PTPRQ: variants seen among roughly 807,000 people sequenced by gnomAD.
PTPRQ encodes the protein protein tyrosine phosphatase receptor type Q, also known as phosphatidylinositol phosphatase PTPRQ.
A neutral mutation model predicts 246.0 loss-of-function variants in PTPRQ; 199 were observed. The observed-to-expected ratio is 0.81, with a 90% confidence interval of 0.72 to 0.91. The LOEUF (loss-of-function observed/expected upper bound fraction) is 0.91. PTPRQ is among the 40% of genes least tolerant of loss of function. PTPRQ has a pLI of 0.00. For missense variants in PTPRQ, 2,624 were observed against 2,528.4 expected, an observed-to-expected ratio of 1.04 and a Z score of -0.81; for synonymous variants, 869 against 853.2, an observed-to-expected ratio of 1.02 and a Z score of -0.32.
At chr12:80,472,918 A>G (rs1893686514) in intron 8 of PTPRQ, among the ~76,000 whole-genome samples, 2 of 152,292 alleles carry the variant, frequency 1.3e-5, no homozygotes, top group South Asian at 4.1e-4. Flanking sequence ...ATGGACAAAA[A>G]TAACAGTAAA....
rs555832211 is a variant in PTPRQ, at chr12:80,478,357, A to G, written c.1187-6076A>G. ...AGGAAAACTAACAAACAGAAAGGAC[A>G]TCCACACCAAAAACCCATCTGTACA... On this transcript the variant is annotated intron_variant, in intron 8 of 44. Coordinates refer to ENST00000644991, the MANE Select transcript of PTPRQ (RefSeq NM_001145026.2). Among the ~76,000 whole-genome samples the G allele has an allele frequency of 8.5e-5, 13 of 152,136 alleles. 1 individual carries two copies. The highest frequency in any genetic ancestry group is 3.1e-4 in the African/African-American group (13 of 41,458).
chr12:80,623,111 C>T (rs543068056), intron 33 of PTPRQ, among the ~76,000 whole-genome samples: 22 of 152,144 alleles, frequency 1.4e-4, no homozygotes, highest in African/African-American at 4.6e-4. Flanking sequence ...CAGATCCTGG[C>T]GAGCTGTTGC....
intron 6 of PTPRQ, among the ~76,000 whole-genome samples, chr12:80,466,015 G>C (rs1345517219): frequency 1.3e-5 from 2 of 152,150 alleles, no homozygotes; most frequent in African/African-American, 2.4e-5. Context: ...GGGCAATTAG[G>C]CAGGAGAAGG....
rs1592638877 is a variant in PTPRQ at position 80,546,743 on chromosome 12, C to T, written c.4015+46C>T. On this transcript the variant is annotated intron_variant, in intron 24 of 44. Coordinates refer to ENST00000644991, the MANE Select transcript of PTPRQ (RefSeq NM_001145026.2). The stretch of plus-strand genomic sequence containing the variant: ...CTAAAATGTTTCTTTTTATATTTAA[C>T]ACCTTTCTTTTCCTTTTCTTAGTTT... 2.0e-6 allele frequency: 3 copies of T among 1,529,848 alleles called. No homozygotes were observed. In the East Asian group the frequency reaches 7.4e-5, roughly 38 times the overall value. 94.8% of individuals were successfully genotyped at this position (1,529,848 alleles called of 1,614,324 possible).
At chr12:80,576,401 A>G (rs1339002087) in intron 25 of PTPRQ, among the ~76,000 whole-genome samples, 1 of 152,098 alleles carries the variant, frequency 6.6e-6, no homozygotes. Context: ...CCTGCCTCCC[A>G]AAGTGTTGGG....
chr12:80,460,264 C>T (rs1332423329), intron 5 of PTPRQ, among the ~76,000 whole-genome samples: 1 of 152,046 alleles, frequency 6.6e-6, no homozygotes, highest in Non-Finnish European at 1.5e-5. Flanking sequence ...CTTTTTAGTA[C>T]TTATGAGAAA....
chr12:80,540,790 T>C (rs750290533), intron 20 of PTPRQ, among the ~76,000 whole-genome samples: 1 of 152,090 alleles, frequency 6.6e-6, no homozygotes, highest in Non-Finnish European at 1.5e-5. Flanking sequence ...AAATGTTATA[T>C]TGTAATATAT....
At chr12:80,455,114 A>C (rs1892931545) in intron 3 of PTPRQ, among the ~76,000 whole-genome samples, 1 of 151,712 alleles carries the variant, frequency 6.6e-6, no homozygotes, top group African/African-American at 2.4e-5. Flanking sequence ...CAGAGGTTGC[A>C]GTGAGCTGAG....
chr12:80,612,286 C>T (rs1898581077), intron 28 of PTPRQ, among the ~76,000 whole-genome samples: 1 of 149,992 alleles, frequency 6.7e-6, no homozygotes, highest in Non-Finnish European at 1.5e-5. Flanking sequence ...AATATTTATA[C>T]TATATAAAGA....
chr12:80,639,588 A>G (rs1211064601), intron 35 of PTPRQ, among the ~76,000 whole-genome samples: 3 of 152,238 alleles, frequency 2.0e-5, no homozygotes, highest in African/African-American at 7.2e-5. Context: ...GTCTTCTTCA[A>G]TAATTTTCTT....
At chr12:80,643,642 GA>G (rs1323302304) in intron 35 of PTPRQ, among the ~76,000 whole-genome samples, 1 of 152,042 alleles carries the variant, frequency 6.6e-6, no homozygotes, top group Admixed American at 6.6e-5. Context: ...AGAAGGATGT[GA>G]AAGAACAAAA....
intron 19 of PTPRQ, among the ~76,000 whole-genome samples, chr12:80,535,641 A>T (rs1158943039): frequency 6.6e-6 from 1 of 152,196 alleles, no homozygotes; most frequent in East Asian, 1.9e-4. Context: ...CTAGGATGTG[A>T]ATGATGATGG....
chr12:80,628,469 C>T (rs1270044545), intron 33 of PTPRQ, among the ~76,000 whole-genome samples: 2 of 152,030 alleles, frequency 1.3e-5, no homozygotes, highest in East Asian at 1.9e-4. Context: ...ATACTTTGTG[C>T]AGTAAAATTA....
chr12:80,535,144 G>A (rs1309919662), intron 19 of PTPRQ, 107 bp downstream of exon 19: 7 of 1,105,398 alleles, frequency 6.3e-6, no homozygotes, highest in African/African-American at 1.6e-5. Flanking sequence ...TGATAATTAG[G>A]CACAGATGTA....
intron 26 of PTPRQ, 28 bp from the exon 27 acceptor site, chr12:80,605,031 C>G: frequency 6.6e-7 from 1 of 1,525,666 alleles, no homozygotes; most frequent in Non-Finnish European, 8.8e-7. Flanking sequence ...TCTAATGTAG[C>G]TAGATAATTA....
In PTPRQ at chr12:80,520,473, T is replaced by G. The variant is rs183393114; in HGVS notation, c.2678+10030T>G. 2.3e-3 allele frequency among the ~76,000 whole-genome samples: 343 copies of G among 152,026 alleles called. 2 individuals are homozygous for G. The highest frequency in any genetic ancestry group is 1.4e-3 in the Non-Finnish European group (93 of 67,966). Reference sequence around the variant, plus strand: ...GTGCTGTACCCATTAACTCACCATTTAACATTAGGTGTATCTCCTAATGCT... The same window carrying G: ...GTGCTGTACCCATTAACTCACCATTGAACATTAGGTGTATCTCCTAATGCT... On this transcript the variant is annotated intron_variant, in intron 17 of 44. Transcript: ENST00000644991.
At chr12:80,555,335 A>G (rs1451573189) in intron 25 of PTPRQ, among the ~76,000 whole-genome samples, 1 of 152,228 alleles carries the variant, frequency 6.6e-6, no homozygotes, top group Non-Finnish European at 1.5e-5. Flanking sequence ...TTGGGATTAC[A>G]GGCATGAGCC....
intron 26 of PTPRQ, among the ~76,000 whole-genome samples, chr12:80,593,926 G>A (rs1328770484): frequency 6.6e-6 from 1 of 151,686 alleles, no homozygotes; most frequent in African/African-American, 2.4e-5. Flanking sequence ...AAGACTGGAA[G>A]ACAGCAAGAA....
rs1386107770 is a variant in PTPRQ, at chr12:80,549,667, A to C, written c.4218A>C (p.Val1406=). 12 of 1,551,044 alleles carry C rather than the reference A, an allele frequency of 7.7e-6. No individual in the cohort carries two copies. The East Asian group carries it at 2.7e-4, about 35-fold the overall frequency. The change falls in exon 25 of 45, where the codon GTA becomes GTC. Residue 1406 remains valine (V), a synonymous_variant. Transcript: ENST00000644991. ...CCAATACCTCATATGTCTTTAAAGT[A>C]AGAGCTTCAACCTCAGCTGGTGAAG... ...LLANTSYVFK[V]RASTSAGEGD... is the part of the protein sequence containing the mutation.
Sources: gnomAD v4.1 joint callset for allele counts (sites outside exome capture counted in the v4.1 genomes callset) on GRCh38, gnomAD v4.1.1 for gene constraint, MANE v1.5 for transcripts, NCBI Gene and HGNC (gene_info 2026-07-23, HGNC 2026-07-21) for gene names.